The following PTPRA variants were observed in gnomAD, a reference collection of about 807,000 sequenced individuals.
PTPRA encodes the protein receptor-type tyrosine-protein phosphatase alpha.
Under a neutral mutation model 104.8 loss-of-function variants are expected in PTPRA, and 25 were observed. The ratio of observed to expected loss-of-function variants is 0.24; its 90% CI spans 0.17 to 0.33. The LOEUF is 0.33. Among genes scored for constraint, PTPRA ranks in the 10% least tolerant of loss-of-function variants. PTPRA has a pLI of 1.00. For synonymous variants in PTPRA, 323 were observed against 368.9 expected (o/e 0.88, Z 1.43); for missense variants, 765 against 1,015.3 (o/e 0.75, Z 3.35).
At chr20:2,952,844 G>C (rs1280687511) in intron 3 of PTPRA, among the ~76,000 whole-genome samples, 1 of 152,170 alleles carries the variant, frequency 6.6e-6, no homozygotes, top group Non-Finnish European at 1.5e-5. Context: ...TGGCTTATTA[G>C]TATAATGTCT....
At chr20:2,928,824 TTC>T (rs1347620794) in intron 2 of PTPRA, among the ~76,000 whole-genome samples, 4 of 150,916 alleles carry the variant, frequency 2.7e-5, no homozygotes, top group Admixed American at 6.7e-5. Context: ...TAATCTTTTT[TTC>T]TCTCTTTTTT....
At chr20:2,929,196 C>G (rs1411064248) in intron 2 of PTPRA, among the ~76,000 whole-genome samples, 1 of 151,972 alleles carries the variant, frequency 6.6e-6, no homozygotes, top group Non-Finnish European at 1.5e-5. Flanking sequence ...AAGCGATCCA[C>G]CTGCCTCAGC....
At chr20:2,923,871 C>T (rs1448233174) in intron 2 of PTPRA, among the ~76,000 whole-genome samples, 2 of 152,162 alleles carry the variant, frequency 1.3e-5, no homozygotes, top group Non-Finnish European at 2.9e-5. Context: ...GAGTAGATCA[C>T]AGATGATCTC....
chr20:3,012,302 A>G (rs1046401740), intron 11 of PTPRA, among the ~76,000 whole-genome samples: 3 of 152,244 alleles, frequency 2.0e-5, no homozygotes, highest in Non-Finnish European at 4.4e-5. Flanking sequence ...GGCTATTGCA[A>G]TAGCAGGTAG....
chr20:2,912,637 G>A (rs896606795), intron 1 of PTPRA, among the ~76,000 whole-genome samples: 1 of 152,012 alleles, frequency 6.6e-6, no homozygotes, highest in Non-Finnish European at 1.5e-5. Context: ...AACAGACAAC[G>A]ACAAAAAACC....
At chr20:2,960,299 G>T (rs927167698) in intron 3 of PTPRA, among the ~76,000 whole-genome samples, 7 of 150,598 alleles carry the variant, frequency 4.6e-5, no homozygotes, top group African/African-American at 1.5e-4. Context: ...CCCCAGGCCG[G>T]AGTGCAGTGG....
chr20:2,998,926 TAA>T (rs2063513188), intron 9 of PTPRA, among the ~76,000 whole-genome samples: 1 of 94,686 alleles, frequency 1.1e-5, no homozygotes, highest in Admixed American at 1.2e-4. Context: ...GACATATTTA[TAA>T]TTTATTATAT....
intron 1 of PTPRA, among the ~76,000 whole-genome samples, chr20:2,904,666 CAA>C (rs397865578): frequency 1.5e-4 from 10 of 66,126 alleles, no homozygotes; most frequent in African/African-American, 2.4e-4. Flanking sequence ...GACTCCGTCT[CAA>C]AAAAAAAAAA....
intron 9 of PTPRA, among the ~76,000 whole-genome samples, chr20:3,002,943 G>A (rs2063703288): frequency 6.6e-6 from 1 of 152,034 alleles, no homozygotes; most frequent in South Asian, 2.1e-4. Context: ...CTGATTTTCG[G>A]TTCCTCACAC....
intron 6 of PTPRA, among the ~76,000 whole-genome samples, chr20:2,977,708 C>G (rs1442414353): frequency 6.6e-6 from 1 of 151,556 alleles, no homozygotes; most frequent in African/African-American, 2.4e-5. Flanking sequence ...ATGGCTTTCT[C>G]TAAGCACCTT....
intron 3 of PTPRA, among the ~76,000 whole-genome samples, chr20:2,960,924 T>A (rs1287523109): frequency 6.6e-6 from 1 of 152,140 alleles, no homozygotes; most frequent in Non-Finnish European, 1.5e-5. Context: ...TAGTAATATA[T>A]GTTTAAGTTT....
intron 2 of PTPRA, among the ~76,000 whole-genome samples, chr20:2,946,766 T>C (rs941853021): frequency 6.6e-6 from 1 of 151,948 alleles, no homozygotes; most frequent in South Asian, 2.1e-4. Context: ...GAGAATCGCT[T>C]GAACCCGGGA....
At chr20:3,027,680 C>A (rs372823585) in intron 19 of PTPRA, 27 bp from the exon 20 acceptor site, 2 of 1,610,704 alleles carry the variant, frequency 1.2e-6, no homozygotes, top group Admixed American at 1.7e-5. Context: ...AACCATCTCA[C>A]CCTTGCAATT....
upstream of PTPRA, among the ~76,000 whole-genome samples, chr20:2,869,961 G>A (rs979192348): frequency 6.6e-6 from 1 of 151,488 alleles, no homozygotes. Context: ...GGCAATGAGT[G>A]AAACTCTGTC....
Position 2,950,644 on chromosome 20 carries a change from A to G in PTPRA, c.-7+2620A>G, listed in dbSNP as rs1366963858. On this transcript the variant is annotated intron_variant, in intron 3 of 23. Transcript: ENST00000399903. The surrounding 1 kb of genome is among the most constrained non-coding windows in gnomAD (Gnocchi z 4.0). The stretch of plus-strand genomic sequence containing the variant: ...GGCGACAGAGCGAGACTCCATCTCA[A>G]AAAAAAAAAAAATTTACTTGTGTCT... Among the ~76,000 whole-genome samples the G allele has an allele frequency of 6.7e-6, 1 of 149,054 alleles. No homozygotes were observed. Among genetic ancestry groups the G allele is most frequent in the Non-Finnish European group, 1.5e-5 (1 of 66,906 alleles).
At chr20:2,954,487 T>A (rs2061466668) in intron 3 of PTPRA, among the ~76,000 whole-genome samples, 1 of 151,164 alleles carries the variant, frequency 6.6e-6, no homozygotes, top group Non-Finnish European at 1.5e-5. Context: ...CCTCCCAAAG[T>A]GCTGGGATTA....
chr20:3,023,445 G>C (rs1044741739), intron 16 of PTPRA, among the ~76,000 whole-genome samples: 3 of 152,212 alleles, frequency 2.0e-5, no homozygotes, highest in Non-Finnish European at 4.4e-5. Context: ...TGTAAAACCC[G>C]ATCGTACATT....
intron 3 of PTPRA, among the ~76,000 whole-genome samples, chr20:2,959,690 C>A (rs1259701755): frequency 1.3e-5 from 2 of 152,130 alleles, no homozygotes; most frequent in African/African-American, 4.8e-5. Context: ...CGGTGGCTCA[C>A]ACCTGTAATC....
At chr20:2,998,280 G>A (rs753197886) in intron 9 of PTPRA, among the ~76,000 whole-genome samples, 4 of 151,882 alleles carry the variant, frequency 2.6e-5, no homozygotes, top group East Asian at 1.9e-4. Flanking sequence ...GAATCTGTGC[G>A]ATGTGAGATG....
Sources: gnomAD v4.1 joint callset for allele counts (sites outside exome capture counted in the v4.1 genomes callset) on GRCh38, gnomAD v4.1.1 for gene constraint, Gnocchi (gnomAD v3.1) non-coding constraint, MANE v1.5 for transcripts, NCBI Gene and HGNC (gene_info 2026-07-23, HGNC 2026-07-21) for gene names.